THSD4: variants seen among roughly 807,000 people sequenced by gnomAD.
THSD4 encodes the protein thrombospondin type 1 domain containing 4.
In THSD4, 69 loss-of-function variants were observed where a neutral mutation model predicts 119.0. The ratio of observed to expected loss-of-function variants is 0.58; its 90% CI spans 0.48 to 0.71. The LOEUF is 0.71. Ranked by LOEUF, THSD4 falls within the 30% of genes least tolerant of loss-of-function variation. The pLI is 0.00. For missense variants in THSD4, 1,393 were observed against 1,391.1 expected (o/e 1.00, Z -0.02); for synonymous variants, 524 against 540.4 (o/e 0.97, Z 0.42).
chr15:71,595,169 G>A (rs916053175), intron 7 of THSD4, among the ~76,000 whole-genome samples: 11 of 152,196 alleles, frequency 7.2e-5, no homozygotes, highest in African/African-American at 2.7e-4. Flanking sequence ...AGTAATGGGT[G>A]ATTGCTGGAA....
chr15:71,405,308 T>C (rs2046590765), intron 6 of THSD4, among the ~76,000 whole-genome samples: 1 of 152,254 alleles, frequency 6.6e-6, no homozygotes, highest in African/African-American at 2.4e-5. Flanking sequence ...TCATTTCTTG[T>C]GAGTATAAAC....
chr15:71,150,178 T>C (rs1439733059), intron 2 of THSD4, among the ~76,000 whole-genome samples: 1 of 152,180 alleles, frequency 6.6e-6, no homozygotes, highest in East Asian at 1.9e-4. Context: ...CAAAGCAAAC[T>C]ATCAAAGTGA....
intron 7 of THSD4, among the ~76,000 whole-genome samples, chr15:71,564,170 G>C (rs556874700): frequency 3.7e-4 from 56 of 152,280 alleles, no homozygotes; most frequent in Admixed American, 4.6e-4. Context: ...AAGTTGTAGA[G>C]GTAAGATGCC....
rs368225212 is a variant in THSD4, at chr15:71,745,171, T to C, written c.1972T>C (p.Cys658Arg). ...STHEEAPESY[C>R]DSSMKPTPEE... ...TCATGAAGAGGCTCCTGAGAGTTAC[T>C]GTGACTCCAGCATGAAGCCGACCCC... Residue 658 changes from cysteine to arginine, a missense_variant, in exon 12 of 18, where the codon TGT (cysteine) becomes CGT (arginine). Coordinates refer to ENST00000261862, the MANE Select transcript of THSD4 (RefSeq NM_024817.3). 1.4e-5 allele frequency: 23 copies of C among 1,612,876 alleles called. No individual in the cohort carries two copies. The highest frequency in any genetic ancestry group is 1.9e-5 in the Non-Finnish European group (22 of 1,180,020).
At chr15:71,239,722 C>T (rs925807321) in intron 4 of THSD4, among the ~76,000 whole-genome samples, 5 of 152,200 alleles carry the variant, frequency 3.3e-5, no homozygotes, top group African/African-American at 7.2e-5. Context: ...CCACACAGAT[C>T]GCCTCGCCAC....
chr15:71,557,196 T>C (rs542361347), intron 7 of THSD4, among the ~76,000 whole-genome samples: 1 of 152,340 alleles, frequency 6.6e-6, no homozygotes, highest in Admixed American at 6.5e-5. Flanking sequence ...CATGAACATG[T>C]GTTGAATTTT....
At chr15:71,246,710 A>T (rs950968223) in intron 5 of THSD4, among the ~76,000 whole-genome samples, 1 of 152,246 alleles carries the variant, frequency 6.6e-6, no homozygotes, top group East Asian at 1.9e-4. Flanking sequence ...GACTTTAAAG[A>T]TAAGGAAGTA....
intron 7 of THSD4, among the ~76,000 whole-genome samples, chr15:71,547,981 A>C (rs1401852321): frequency 1.3e-5 from 2 of 151,880 alleles, no homozygotes; most frequent in Non-Finnish European, 2.9e-5. Flanking sequence ...GAAGAGGGAG[A>C]ATGATATACA....
At chr15:71,534,798 G>T (rs1286015397) in intron 7 of THSD4, among the ~76,000 whole-genome samples, 1 of 152,150 alleles carries the variant, frequency 6.6e-6, no homozygotes, top group Non-Finnish European at 1.5e-5. Flanking sequence ...GGCCAACATG[G>T]TGAAACCCTG....
intron 6 of THSD4, among the ~76,000 whole-genome samples, chr15:71,369,798 A>G (rs2046018312): frequency 1.3e-5 from 2 of 152,324 alleles, no homozygotes; most frequent in Non-Finnish European, 1.5e-5. Context: ...GCCTCATAAA[A>G]TGAGTTAGGG....
At chr15:71,671,459 G>A (rs776188336) in intron 8 of THSD4, among the ~76,000 whole-genome samples, 53 of 152,072 alleles carry the variant, frequency 3.5e-4, no homozygotes, top group Non-Finnish European at 7.4e-4. Context: ...ATGGTAGTTT[G>A]TTTTGCTGTG....
At position 71,551,516 on chromosome 15, in the gene THSD4, C is replaced by T. The variant is rs539371548; in HGVS notation, c.1153-109014C>T. 2.0e-5 allele frequency among the ~76,000 whole-genome samples: 3 copies of T among 152,212 alleles called. No homozygotes were observed. The East Asian group carries it at 5.8e-4, about 29-fold the overall frequency. On this transcript the variant is annotated intron_variant, in intron 7 of 17. Transcript: ENST00000261862. The stretch of plus-strand genomic sequence containing the variant: ...TAACCCCTAAGATTCAATTATCTGT[C>T]GTGATTCAGTGACTTAGCATACATT...
At chr15:71,269,185 A>G (rs2044500465) in intron 6 of THSD4, among the ~76,000 whole-genome samples, 1 of 152,346 alleles carries the variant, frequency 6.6e-6, no homozygotes, top group Admixed American at 6.5e-5. Flanking sequence ...ATGAACATTG[A>G]TGCGAAAATT....
chr15:71,182,469 A>G (rs2141425284), intron 3 of THSD4, among the ~76,000 whole-genome samples: 1 of 151,896 alleles, frequency 6.6e-6, no homozygotes, highest in South Asian at 2.1e-4. Context: ...AAATGGTTCT[A>G]AGAAAAAATG....
intron 7 of THSD4, among the ~76,000 whole-genome samples, chr15:71,471,792 T>A (rs1217658244): frequency 6.6e-6 from 1 of 152,064 alleles, no homozygotes; most frequent in Non-Finnish European, 1.5e-5. Context: ...TCCATAGTGC[T>A]CAATCAACAC....
At chr15:71,421,374 G>A (rs1162640609) in intron 7 of THSD4, among the ~76,000 whole-genome samples, 1 of 151,816 alleles carries the variant, frequency 6.6e-6, no homozygotes, top group Non-Finnish European at 1.5e-5. Flanking sequence ...AAATCCCTTA[G>A]CTTTTGTTTG....
chr15:71,681,255 A>G (rs893538434), intron 8 of THSD4, among the ~76,000 whole-genome samples: 1 of 152,104 alleles, frequency 6.6e-6, no homozygotes, highest in Non-Finnish European at 1.5e-5. Flanking sequence ...TATACAAATT[A>G]GTCCAGGATT....
intron 1 of THSD4, among the ~76,000 whole-genome samples, chr15:71,106,643 T>A (rs2040275262): frequency 6.6e-6 from 1 of 152,308 alleles, no homozygotes; most frequent in South Asian, 2.1e-4. Flanking sequence ...GTCATCATAC[T>A]TTATTGTATC....
chr15:71,103,445 T>TA (rs575397560), intron 1 of THSD4, among the ~76,000 whole-genome samples: 32 of 152,174 alleles, frequency 2.1e-4, no homozygotes, highest in Non-Finnish European at 4.0e-4. Context: ...TTAAGCTCCC[T>TA]ACTCTCCGTG....
Sources: allele counts gnomAD v4.1 joint callset (sites outside exome capture counted in the v4.1 genomes callset), GRCh38; gene constraint gnomAD v4.1.1; transcripts MANE v1.5; gene names NCBI Gene and HGNC (gene_info 2026-07-23, HGNC 2026-07-21).